The following RSF1 variants were observed in gnomAD, a reference collection of about 807,000 sequenced individuals.
The protein encoded by RSF1 is remodeling and spacing factor 1, also known as HBV pX-associated protein 8.
RSF1 carries 13 observed loss-of-function variants against 145.2 expected under a neutral mutation model. That is an observed-to-expected ratio of 0.09 (90% CI 0.06 to 0.14). RSF1 has a LOEUF of 0.14. Ranked by LOEUF, RSF1 falls within the 10% of genes least tolerant of loss-of-function variation. The pLI is 1.00. For synonymous variants in RSF1, 577 were observed against 592.6 expected (o/e 0.97, Z 0.38); for missense variants, 1,517 against 1,718.2 (o/e 0.88, Z 2.07).
intron 1 of RSF1, among the ~76,000 whole-genome samples, chr11:77,805,758 G>T (rs552495637): frequency 5.3e-5 from 8 of 152,252 alleles, no homozygotes; most frequent in African/African-American, 1.9e-4. Context: ...AATTAACATG[G>T]TAGTGCTTCA....
At chr11:77,669,747 T>G (rs183542185) in intron 15 of RSF1, among the ~76,000 whole-genome samples, 1 of 152,200 alleles carries the variant, frequency 6.6e-6, no homozygotes, top group South Asian at 2.1e-4. Context: ...GCAGGCCCTA[T>G]AGTCTCAGTC....
At chr11:77,842,780 A>G in the RSF1 span, 5 of 1,082,492 alleles carry the variant, frequency 4.6e-6, no homozygotes, top group Non-Finnish European at 6.5e-6. Context: ...AAAGTATGCA[A>G]TTCAATGGAC....
intron 2 of RSF1, among the ~76,000 whole-genome samples, chr11:77,752,663 T>G (rs528647333): frequency 6.6e-6 from 1 of 152,170 alleles, no homozygotes; most frequent in Admixed American, 6.5e-5. Flanking sequence ...TGTGAGACAA[T>G]AAACCTTGGA....
the RSF1 span, among the ~76,000 whole-genome samples, chr11:77,832,240 C>CAT: frequency 6.6e-6 from 1 of 152,174 alleles, no homozygotes; most frequent in East Asian, 1.9e-4. Context: ...CCATCAACAT[C>CAT]ATATATTTCT....
intron 4 of RSF1, among the ~76,000 whole-genome samples, chr11:77,732,064 A>T (rs1436023126): frequency 6.6e-6 from 1 of 152,252 alleles, no homozygotes; most frequent in Non-Finnish European, 1.5e-5. Context: ...ACTCAAGGCC[A>T]GCCCATGAAA....
At chr11:77,819,864 GAGA>G (rs950755471) in intron 1 of RSF1, among the ~76,000 whole-genome samples, 5 of 152,088 alleles carry the variant, frequency 3.3e-5, no homozygotes, top group Non-Finnish European at 5.9e-5. Context: ...ACCGAGAATG[GAGA>G]AGAACCCCCT....
At chr11:77,867,575 G>T in the RSF1 span, among the ~76,000 whole-genome samples, 1 of 152,228 alleles carries the variant, frequency 6.6e-6, no homozygotes, top group South Asian at 2.1e-4. Flanking sequence ...CTGGATGAAT[G>T]AATGAAAGGA....
At chr11:77,825,016 T>C (rs1388821622), upstream of RSF1, among the ~76,000 whole-genome samples, 1 of 152,168 alleles carries the variant, frequency 6.6e-6, no homozygotes, top group Non-Finnish European at 1.5e-5. Flanking sequence ...AGTCTCACTC[T>C]ATCACCCAGG....
At chr11:77,798,453 C>G (rs762187663) in intron 1 of RSF1, among the ~76,000 whole-genome samples, 1 of 151,414 alleles carries the variant, frequency 6.6e-6, no homozygotes, top group African/African-American at 2.4e-5. Context: ...GGCACACACA[C>G]GCCTATAATC....
At chr11:77,670,152 T>C (rs1171730108) in intron 15 of RSF1, among the ~76,000 whole-genome samples, 1 of 152,148 alleles carries the variant, frequency 6.6e-6, no homozygotes. Context: ...TTTTTATTTA[T>C]GTAAGCAGGT....
chr11:77,764,551 G>C (rs1226804373), intron 2 of RSF1, 47 bp downstream of exon 2: 1 of 1,008,080 alleles, frequency 9.9e-7, no homozygotes, highest in Non-Finnish European at 1.6e-6. Context: ...ATTTATGCTA[G>C]AGTAATATTT....
intron 14 of RSF1, among the ~76,000 whole-genome samples, chr11:77,674,002 AG>A (rs1419496630): frequency 6.6e-6 from 1 of 152,222 alleles, no homozygotes; most frequent in Non-Finnish European, 1.5e-5. Flanking sequence ...AAAGATATAA[AG>A]AATAATATGG....
intron 7 of RSF1, among the ~76,000 whole-genome samples, 153 bp from the exon 8 acceptor site, chr11:77,693,764 C>CATTCATTT (rs1554986270): frequency 6.8e-6 from 1 of 146,556 alleles, no homozygotes; most frequent in African/African-American, 2.5e-5. Flanking sequence ...AGGGATCTGA[C>CATTCATTT]ATTTATTTAT....
At chr11:77,766,353 G>C (rs898795247) in intron 1 of RSF1, among the ~76,000 whole-genome samples, 1 of 152,122 alleles carries the variant, frequency 6.6e-6, no homozygotes, top group Non-Finnish European at 1.5e-5. Flanking sequence ...CTCTACTAAA[G>C]CTCCTTCTGA....
the RSF1 span, chr11:77,841,289 C>T: frequency 8.6e-6 from 6 of 700,410 alleles, no homozygotes; most frequent in Non-Finnish European, 1.6e-5. Flanking sequence ...AGGGTGCAGA[C>T]ATTCAAACCA....
At chr11:77,823,046 C>T (rs145438967), upstream of RSF1, among the ~76,000 whole-genome samples, 6 of 151,936 alleles carry the variant, frequency 3.9e-5, no homozygotes, top group African/African-American at 1.5e-4. Flanking sequence ...AAACCCGTCT[C>T]TACTAAAAAT....
At chr11:77,825,460 A>G (rs764680528), upstream of RSF1, among the ~76,000 whole-genome samples, 8 of 152,184 alleles carry the variant, frequency 5.3e-5, no homozygotes, top group African/African-American at 7.2e-5. Flanking sequence ...CTGAAGGTAT[A>G]TGGACTTAAT....
intron 1 of RSF1, among the ~76,000 whole-genome samples, chr11:77,800,366 C>A (rs147432347): frequency 6.6e-6 from 1 of 151,902 alleles, no homozygotes; most frequent in South Asian, 2.1e-4. Flanking sequence ...TTGGCACACA[C>A]CTGTAATCCC....
At chr11:77,691,505 T>C in intron 8 of RSF1, 5 of 413,408 alleles carry the variant, frequency 1.2e-5, no homozygotes, top group East Asian at 4.4e-5. Flanking sequence ...CAATAGTCAA[T>C]GTTTAAAACA....
Sources: gnomAD v4.1 joint callset for allele counts (sites outside exome capture counted in the v4.1 genomes callset) on GRCh38, gnomAD v4.1.1 for gene constraint, MANE v1.5 for transcripts, NCBI Gene and HGNC (gene_info 2026-07-23, HGNC 2026-07-21) for gene names.